ZFPM2: variants seen among roughly 807,000 people sequenced by gnomAD.
ZFPM2 encodes the protein zinc finger protein, FOG family member 2, also known as zinc finger protein ZFPM2.
In ZFPM2, 20 loss-of-function variants were observed where a neutral mutation model predicts 98.6. The ratio of observed to expected loss-of-function variants is 0.20; its 90% CI spans 0.14 to 0.29. ZFPM2 has a LOEUF of 0.29. ZFPM2 is among the 10% of genes least tolerant of loss of function. ZFPM2 has a pLI of 1.00. For missense variants in ZFPM2, 1,310 were observed against 1,388.6 expected, an observed-to-expected ratio of 0.94 and a Z score of 0.90; for synonymous variants, 518 against 502.7, an observed-to-expected ratio of 1.03 and a Z score of -0.41.
At chr8:105,755,467 C>A (rs1436419121) in intron 5 of ZFPM2, among the ~76,000 whole-genome samples, 1 of 152,120 alleles carries the variant, frequency 6.6e-6, no homozygotes, top group Non-Finnish European at 1.5e-5. Flanking sequence ...TACAAAAGAA[C>A]TGGTCATTTG....
intron 3 of ZFPM2, among the ~76,000 whole-genome samples, chr8:105,477,237 C>CTTTT (rs397891589): frequency 6.4e-4 from 48 of 74,492 alleles, no homozygotes; most frequent in African/African-American, 8.4e-4. Context: ...TGCTAGCAAT[C>CTTTT]TTTTTTTTTT....
At chr8:105,549,843 G>A (rs1814809481) in intron 3 of ZFPM2, among the ~76,000 whole-genome samples, 1 of 151,514 alleles carries the variant, frequency 6.6e-6, no homozygotes, top group African/African-American at 2.4e-5. Context: ...CAAACTCCTG[G>A]GCTCACACAA....
chr8:105,481,097 T>A (rs1356564303), intron 3 of ZFPM2, among the ~76,000 whole-genome samples: 1 of 152,090 alleles, frequency 6.6e-6, no homozygotes, highest in Non-Finnish European at 1.5e-5. Context: ...GTTGCAAAGG[T>A]CAGAGTAAAA....
intron 5 of ZFPM2, among the ~76,000 whole-genome samples, chr8:105,642,473 A>C (rs1263629838): frequency 6.6e-6 from 1 of 152,074 alleles, no homozygotes; most frequent in East Asian, 1.9e-4. Flanking sequence ...CTACATTCTT[A>C]CTCTTCTTTT....
At chr8:105,406,844 G>T (rs1811469553) in intron 1 of ZFPM2, among the ~76,000 whole-genome samples, 1 of 152,000 alleles carries the variant, frequency 6.6e-6, no homozygotes, top group African/African-American at 2.4e-5. Context: ...AGTAGTGAAT[G>T]GCAGAGGCAA....
At chr8:105,741,933 G>A (rs1461640427) in intron 5 of ZFPM2, among the ~76,000 whole-genome samples, 2 of 152,074 alleles carry the variant, frequency 1.3e-5, no homozygotes, top group African/African-American at 4.8e-5. Context: ...GGCTTATGAT[G>A]AGGGACACAG....
intron 3 of ZFPM2, among the ~76,000 whole-genome samples, chr8:105,509,908 TTAAAA>T (rs1813780967): frequency 6.6e-6 from 1 of 152,190 alleles, no homozygotes; most frequent in African/African-American, 2.4e-5. Context: ...TAGGACATAT[TTAAAA>T]TAAAGTAGGC....
chr8:105,499,906 A>G (rs1813555627), intron 3 of ZFPM2, among the ~76,000 whole-genome samples: 1 of 152,198 alleles, frequency 6.6e-6, no homozygotes. Flanking sequence ...CTTCAGAGCG[A>G]TCACATTCTT....
intron 1 of ZFPM2, among the ~76,000 whole-genome samples, chr8:105,399,544 C>G (rs1811293139): frequency 6.6e-6 from 1 of 152,166 alleles, no homozygotes. Flanking sequence ...GATACAACTT[C>G]CATGAGGACA....
chr8:105,545,261 A>G (rs1413262453), intron 3 of ZFPM2, among the ~76,000 whole-genome samples: 1 of 152,186 alleles, frequency 6.6e-6, no homozygotes, highest in Non-Finnish European at 1.5e-5. Flanking sequence ...TCAAGAAATT[A>G]GGATTGTCCC....
intron 5 of ZFPM2, among the ~76,000 whole-genome samples, chr8:105,706,827 G>A (rs184020201): frequency 3.7e-4 from 57 of 152,216 alleles, no homozygotes; most frequent in Non-Finnish European, 4.9e-4. Context: ...TGATCCACCC[G>A]CCTCGGCCTC....
At chr8:105,505,553 T>C (rs149979580) in intron 3 of ZFPM2, among the ~76,000 whole-genome samples, 70 of 152,266 alleles carry the variant, frequency 4.6e-4, no homozygotes, top group African/African-American at 1.6e-3. Context: ...TTTTTTCTGT[T>C]GACATTCTAA....
In ZFPM2 at chr8:105,353,523, T is replaced by C. The variant is rs533723649; in HGVS notation, c.40+34542T>C. ...CTGACACCAAAAAACTATGTAGGTT[T>C]AATTTTCTTTTCTCCTTTTCTGGAA... On this transcript the variant is annotated intron_variant, in intron 1 of 7. Transcript: ENST00000407775. Among the ~76,000 whole-genome samples, 7 of 152,340 alleles carry C rather than the reference T, an allele frequency of 4.6e-5. No individual in the cohort carries two copies. The South Asian group carries it at 1.5e-3, about 32-fold the overall frequency.
intron 4 of ZFPM2, among the ~76,000 whole-genome samples, chr8:105,605,560 ATT>A (rs1816180777): frequency 6.6e-6 from 1 of 152,052 alleles, no homozygotes. Flanking sequence ...AACAACCATT[ATT>A]TGTAAATTTC....
At chr8:105,706,202 T>TA in intron 5 of ZFPM2, among the ~76,000 whole-genome samples, 1 of 152,256 alleles carries the variant, frequency 6.6e-6, no homozygotes. Flanking sequence ...ATATTGCTTT[T>TA]AAAAGTTATG....
chr8:105,565,280 C>A (rs1485636095), intron 4 of ZFPM2, among the ~76,000 whole-genome samples: 1 of 152,060 alleles, frequency 6.6e-6, no homozygotes, highest in African/African-American at 2.4e-5. Context: ...ATTAGTTTGA[C>A]AAAAAGTTGT....
chr8:105,559,714 A>G (rs1467698340), intron 3 of ZFPM2, among the ~76,000 whole-genome samples: 1 of 151,720 alleles, frequency 6.6e-6, no homozygotes, highest in Non-Finnish European at 1.5e-5. Flanking sequence ...CTGGTATTTA[A>G]ACTATTAAAA....
intron 3 of ZFPM2, among the ~76,000 whole-genome samples, chr8:105,491,023 A>T (rs1337911816): frequency 6.6e-6 from 1 of 152,116 alleles, no homozygotes; most frequent in Non-Finnish European, 1.5e-5. Flanking sequence ...TTATGCAAAC[A>T]TCTTGTTTTT....
intron 3 of ZFPM2, among the ~76,000 whole-genome samples, chr8:105,535,765 T>G (rs573276678): frequency 2.4e-4 from 37 of 152,310 alleles, no homozygotes; most frequent in African/African-American, 8.2e-4. Context: ...TCTTTCTGAT[T>G]AGAGTCATTC....
Sources: allele counts gnomAD v4.1 joint callset (sites outside exome capture counted in the v4.1 genomes callset), GRCh38; gene constraint gnomAD v4.1.1; transcripts MANE v1.5; gene names NCBI Gene and HGNC (gene_info 2026-07-23, HGNC 2026-07-21).